Variants in VTI1A observed in about 807,000 individuals in gnomAD.
VTI1A encodes vesicle transport through interaction with t-SNAREs homolog 1A.
In VTI1A, 22 loss-of-function variants were observed where a neutral mutation model predicts 34.9. That is an observed-to-expected ratio of 0.63 (90% CI 0.45 to 0.90). VTI1A has a LOEUF of 0.90. Among genes scored for constraint, VTI1A ranks in the 40% least tolerant of loss-of-function variants. VTI1A has a pLI of 0.00. For synonymous variants in VTI1A, 87 were observed against 97.3 expected (o/e 0.89, Z 0.62); for missense variants, 268 against 275.6 (o/e 0.97, Z 0.20).
intron 7 of VTI1A, among the ~76,000 whole-genome samples, chr10:112,749,364 G>A (rs531331248): frequency 1.3e-5 from 2 of 152,208 alleles, no homozygotes; most frequent in South Asian, 4.1e-4. Flanking sequence ...AATGAGGGTA[G>A]GGGGTGGAAA....
At chr10:112,646,766 C>T (rs1846806637) in intron 5 of VTI1A, among the ~76,000 whole-genome samples, 1 of 152,162 alleles carries the variant, frequency 6.6e-6, no homozygotes, top group Non-Finnish European at 1.5e-5. Flanking sequence ...CCGCCTCAGC[C>T]TCCCAAAGTG....
chr10:112,665,468 A>T (rs988336311), intron 5 of VTI1A, among the ~76,000 whole-genome samples: 1 of 152,204 alleles, frequency 6.6e-6, no homozygotes, highest in Non-Finnish European at 1.5e-5. Context: ...ACAGTGCATG[A>T]CATTTGGGTG....
At chr10:112,746,415 C>A (rs147290009) in intron 7 of VTI1A, among the ~76,000 whole-genome samples, 30 of 152,312 alleles carry the variant, frequency 2.0e-4, no homozygotes, top group Non-Finnish European at 4.4e-4. Flanking sequence ...GCCCTGGCAC[C>A]TACAGAAAAA....
At chr10:112,718,388 A>G (rs1849682276) in intron 7 of VTI1A, among the ~76,000 whole-genome samples, 1 of 152,214 alleles carries the variant, frequency 6.6e-6, no homozygotes, top group Non-Finnish European at 1.5e-5. Flanking sequence ...AACTTTACAA[A>G]CTGAAGCATT....
intron 5 of VTI1A, among the ~76,000 whole-genome samples, chr10:112,607,941 C>G (rs1845148292): frequency 6.6e-6 from 1 of 152,088 alleles, no homozygotes; most frequent in Non-Finnish European, 1.5e-5. Flanking sequence ...GTGAGAATAG[C>G]CAAGACAAAA....
intron 7 of VTI1A, among the ~76,000 whole-genome samples, chr10:112,681,164 T>A (rs1197254057): frequency 6.6e-6 from 1 of 151,676 alleles, no homozygotes; most frequent in Non-Finnish European, 1.5e-5. Context: ...CAACCTCAAC[T>A]TTCTGGGCTC....
intron 5 of VTI1A, among the ~76,000 whole-genome samples, chr10:112,621,186 G>T (rs981553512): frequency 6.6e-6 from 1 of 152,120 alleles, no homozygotes; most frequent in East Asian, 1.9e-4. Flanking sequence ...AGTGTGTTTC[G>T]CTGCAGAAGG....
chr10:112,463,914 G>C (rs147366722), intron 2 of VTI1A, among the ~76,000 whole-genome samples: 1 of 152,164 alleles, frequency 6.6e-6, no homozygotes, highest in Non-Finnish European at 1.5e-5. Context: ...GACAAGACCC[G>C]GTTGGATTGA....
chr10:112,515,802 A>G (rs1486364478), intron 3 of VTI1A, among the ~76,000 whole-genome samples: 4 of 151,938 alleles, frequency 2.6e-5, no homozygotes, highest in Non-Finnish European at 5.9e-5. Flanking sequence ...TAGGCATACT[A>G]TGTGCTTGGT....
At chr10:112,583,077 G>GCATCTATATATTATA (rs1844011878) in intron 5 of VTI1A, among the ~76,000 whole-genome samples, 1 of 152,082 alleles carries the variant, frequency 6.6e-6, no homozygotes, top group Non-Finnish European at 1.5e-5. Flanking sequence ...ATATGCATGT[G>GCATCTATATATTATA]GGCATCTTAT....
At chr10:112,457,222 T>C (rs908687589) in intron 1 of VTI1A, among the ~76,000 whole-genome samples, 2 of 152,126 alleles carry the variant, frequency 1.3e-5, no homozygotes, top group Non-Finnish European at 2.9e-5. Flanking sequence ...AAAGCCAAAT[T>C]TTAGGAAGAT....
intron 3 of VTI1A, among the ~76,000 whole-genome samples, chr10:112,507,321 C>T (rs1478454329): frequency 6.6e-6 from 1 of 152,144 alleles, no homozygotes; most frequent in Non-Finnish European, 1.5e-5. Context: ...GGGTCTCTGG[C>T]AAGTTCCGTA....
chr10:112,594,793 A>T (rs1171725307), intron 5 of VTI1A, among the ~76,000 whole-genome samples: 1 of 151,782 alleles, frequency 6.6e-6, no homozygotes, highest in East Asian at 1.9e-4. Flanking sequence ...CTTTCTTCAC[A>T]GAATTGGAAA....
Position 112,815,700 on chromosome 10 carries a change from A to G in VTI1A, c.*317A>G. 3.0e-6 allele frequency: 1 copy of G among 333,754 alleles called. No homozygotes were observed. Among genetic ancestry groups the G allele is most frequent in the Admixed American group, 4.5e-5 (1 of 22,216 alleles). The allele number at this position is 333,754 out of a possible 1,614,324, so 20.7% of individuals were successfully genotyped here. A position where few individuals can be genotyped will look rare whatever the true frequency, so the allele number is the denominator to read the frequency against. ...ACACTCCTAGCCCTCTGGACGTGTC[A>G]AGGGCCGTGGTTTGGGAGAGGACAT... On this transcript the variant is annotated 3_prime_UTR_variant, in exon 8 of 8. Transcript: ENST00000393077.
At chr10:112,607,720 A>G (rs554420897) in intron 5 of VTI1A, among the ~76,000 whole-genome samples, 116 of 152,238 alleles carry the variant, frequency 7.6e-4, no homozygotes, top group African/African-American at 2.7e-3. Flanking sequence ...TCATGAGGTT[A>G]TAATTAACTG....
intron 3 of VTI1A, among the ~76,000 whole-genome samples, chr10:112,471,366 G>GAT (rs1848069673): frequency 9.0e-6 from 1 of 110,502 alleles, no homozygotes; most frequent in Non-Finnish European, 1.8e-5. Context: ...CATTCTTATT[G>GAT]ATTTTTTTTT....
chr10:112,688,326 A>G (rs1848497150), intron 7 of VTI1A, among the ~76,000 whole-genome samples: 1 of 151,978 alleles, frequency 6.6e-6, no homozygotes, highest in African/African-American at 2.4e-5. Context: ...TTTAAAGAAA[A>G]GGAAAAAAAA....
At position 112,657,817 on chromosome 10, in the gene VTI1A, GTGTT is replaced by G. The variant is rs894840432; in HGVS notation, c.428-10397_428-10394del. 8.8e-4 allele frequency among the ~76,000 whole-genome samples: 128 copies of G among 145,624 alleles called. 1 individual carries two copies. Among genetic ancestry groups the G allele is most frequent in the Admixed American group, 6.0e-3 (91 of 15,158 alleles). On this transcript the variant is annotated intron_variant, in intron 5 of 7. Coordinates refer to ENST00000393077, the MANE Select transcript of VTI1A (RefSeq NM_145206.4). Reference sequence around the variant, plus strand: ...AGAACACTATATTGTGTGTGTGTGTGTGTTTGTGTGTGTATATATATGCCTTAAA... The same window carrying G: ...AGAACACTATATTGTGTGTGTGTGTGTGTGTGTGTATATATATGCCTTAAA...
intron 5 of VTI1A, among the ~76,000 whole-genome samples, chr10:112,618,770 A>G (rs1013907035): frequency 1.3e-5 from 2 of 152,046 alleles, no homozygotes; most frequent in African/African-American, 4.8e-5. Context: ...CATTAGGCAG[A>G]TATCTAATTA....
Sources: allele counts gnomAD v4.1 joint callset (sites outside exome capture counted in the v4.1 genomes callset), GRCh38; gene constraint gnomAD v4.1.1; transcripts MANE v1.5; gene names NCBI Gene and HGNC (gene_info 2026-07-23, HGNC 2026-07-21).